PTPRD: variants seen among roughly 807,000 people sequenced by gnomAD.
PTPRD encodes receptor-type tyrosine-protein phosphatase delta.
PTPRD carries 34 observed loss-of-function variants against 214.5 expected under a neutral mutation model. That is an observed-to-expected ratio of 0.16 (90% confidence interval 0.12 to 0.21). The LOEUF is 0.21. Ranked by LOEUF, PTPRD falls within the 10% of genes least tolerant of loss-of-function variation. The pLI is 1.00. For synonymous variants in PTPRD, 1,128 were observed against 845.7 expected (o/e 1.33, Z -5.79); for missense variants, 2,545 against 2,398.7 (o/e 1.06, Z -1.27).
intron 39 of PTPRD, among the ~76,000 whole-genome samples, chr9:8,358,637 T>C (rs1230884695): frequency 6.6e-6 from 1 of 152,154 alleles, no homozygotes; most frequent in African/African-American, 2.4e-5. Context: ...TCAATGTTAA[T>C]TTCAGTACTC....
At chr9:10,520,529 T>C (rs1332030102) in intron 2 of PTPRD, among the ~76,000 whole-genome samples, 1 of 152,194 alleles carries the variant, frequency 6.6e-6, no homozygotes, top group Non-Finnish European at 1.5e-5. Context: ...GCTAAGATAC[T>C]TAATGGAATT....
At chr9:8,354,679 T>C (rs1048030002) in intron 39 of PTPRD, among the ~76,000 whole-genome samples, 1 of 152,202 alleles carries the variant, frequency 6.6e-6, no homozygotes, top group Non-Finnish European at 1.5e-5. Context: ...CTTAAGAATT[T>C]GATGAAGATC....
intron 12 of PTPRD, among the ~76,000 whole-genome samples, chr9:8,705,484 T>A (rs555691809): frequency 6.6e-6 from 1 of 152,342 alleles, no homozygotes; most frequent in East Asian, 1.9e-4. Flanking sequence ...AGTTAAGGTA[T>A]CAAGTAATAC....
At chr9:10,316,488 G>C (rs1373239362) in intron 3 of PTPRD, among the ~76,000 whole-genome samples, 14 of 151,654 alleles carry the variant, frequency 9.2e-5, no homozygotes. Context: ...AATAATATTG[G>C]ATAAATAACA....
chr9:10,167,446 C>A (rs550147468), intron 3 of PTPRD, among the ~76,000 whole-genome samples: 1 of 152,094 alleles, frequency 6.6e-6, no homozygotes, highest in African/African-American at 2.4e-5. Flanking sequence ...CATATAAAAA[C>A]CCATATATGT....
At position 9,949,834 on chromosome 9, in the gene PTPRD, G is replaced by A. The variant is rs182377019; in HGVS notation, c.-471-11224C>T. ...GCCAACACTCTGAAGAGCAAGTAGA[G>A]ATCAAAATAAAGGAAATTGAATCTT... On this transcript the variant is annotated intron_variant, in intron 4 of 45. Coordinates refer to ENST00000381196, the MANE Select transcript of PTPRD (RefSeq NM_002839.4). Among the ~76,000 whole-genome samples the A allele has an allele frequency of 8.3e-4, 126 of 152,258 alleles. 1 individual carries two copies. Among genetic ancestry groups the A allele is most frequent in the African/African-American group, 2.8e-3 (117 of 41,554 alleles).
intron 4 of PTPRD, among the ~76,000 whole-genome samples, chr9:10,007,081 G>C (rs1321759118): frequency 2.0e-5 from 3 of 151,928 alleles, no homozygotes; most frequent in African/African-American, 2.4e-5. Context: ...AGAAGTGTTT[G>C]TCTCTGTTTT....
At chr9:9,127,531 A>G (rs1490169880) in intron 10 of PTPRD, among the ~76,000 whole-genome samples, 1 of 152,200 alleles carries the variant, frequency 6.6e-6, no homozygotes, top group East Asian at 1.9e-4. Flanking sequence ...CAAAACTGAA[A>G]GGTTTGACTT....
intron 7 of PTPRD, among the ~76,000 whole-genome samples, chr9:9,639,577 T>C (rs911204522): frequency 3.9e-5 from 6 of 152,228 alleles, no homozygotes; most frequent in African/African-American, 1.2e-4. Context: ...ATAACAGTTA[T>C]ATTGTTTCTC....
intron 4 of PTPRD, among the ~76,000 whole-genome samples, chr9:10,030,686 T>C (rs1434657691): frequency 6.6e-6 from 1 of 152,198 alleles, no homozygotes; most frequent in East Asian, 1.9e-4. Flanking sequence ...GTGGAGAATC[T>C]ATCCCATAGA....
chr9:8,844,194 T>C (rs1391818029), intron 11 of PTPRD, among the ~76,000 whole-genome samples: 1 of 152,206 alleles, frequency 6.6e-6, no homozygotes, highest in Admixed American at 6.5e-5. Flanking sequence ...CATGTTCATA[T>C]AGGCTTGTGG....
At chr9:10,503,684 T>A (rs1419449295) in intron 2 of PTPRD, among the ~76,000 whole-genome samples, 4 of 152,040 alleles carry the variant, frequency 2.6e-5, no homozygotes, top group Non-Finnish European at 5.9e-5. Flanking sequence ...TCCTGGAGAT[T>A]ACACTTTAGT....
chr9:8,592,709 G>A (rs759295329), intron 14 of PTPRD, among the ~76,000 whole-genome samples: 13 of 152,166 alleles, frequency 8.5e-5, no homozygotes, highest in South Asian at 2.1e-4. Flanking sequence ...TTGGTGTCTC[G>A]AAGCACATAA....
intron 10 of PTPRD, among the ~76,000 whole-genome samples, chr9:9,161,517 T>C (rs937003699): frequency 3.3e-5 from 5 of 152,166 alleles, no homozygotes; most frequent in Non-Finnish European, 7.4e-5. Context: ...AGAGATTTAA[T>C]TTTTAAATTT....
intron 7 of PTPRD, among the ~76,000 whole-genome samples, chr9:9,702,935 A>C (rs2097531344): frequency 6.6e-6 from 1 of 152,178 alleles, no homozygotes; most frequent in African/African-American, 2.4e-5. Context: ...TCTATATATG[A>C]GTCTAGATCC....
chr9:9,932,681 A>T (rs2153935033), intron 5 of PTPRD, among the ~76,000 whole-genome samples: 1 of 110,022 alleles, frequency 9.1e-6, no homozygotes, highest in Middle Eastern at 4.1e-3. Context: ...GAACTTCCCC[A>T]ATCTAGCAAG....
chr9:10,520,441 C>T (rs1252296910), intron 2 of PTPRD, among the ~76,000 whole-genome samples: 1 of 152,146 alleles, frequency 6.6e-6, no homozygotes, highest in Non-Finnish European at 1.5e-5. Context: ...GGAAAGAAGC[C>T]ATCTCCATAA....
At chr9:10,298,676 T>G (rs2154404753) in intron 3 of PTPRD, among the ~76,000 whole-genome samples, 1 of 152,082 alleles carries the variant, frequency 6.6e-6, no homozygotes, top group Admixed American at 6.6e-5. Context: ...AATGAAAATT[T>G]ACATATATAC....
chr9:8,834,163 C>G (rs549822171), intron 11 of PTPRD, among the ~76,000 whole-genome samples: 1 of 152,092 alleles, frequency 6.6e-6, no homozygotes, highest in African/African-American at 2.4e-5. Flanking sequence ...GAATGATTCA[C>G]AGTAGTTGAA....
Sources: allele counts gnomAD v4.1 joint callset (sites outside exome capture counted in the v4.1 genomes callset), GRCh38; gene constraint gnomAD v4.1.1; transcripts MANE v1.5; gene names NCBI Gene and HGNC (gene_info 2026-07-23, HGNC 2026-07-21).